The following RANBP2 variants were observed in gnomAD, a reference collection of about 807,000 sequenced individuals.
RANBP2 encodes the protein RAN binding protein 2, also known as E3 SUMO-protein ligase RanBP2.
A neutral mutation model predicts 303.6 loss-of-function variants in RANBP2; 57 were observed. The observed-to-expected ratio is 0.19, with a 90% CI of 0.15 to 0.23. The LOEUF (loss-of-function observed/expected upper bound fraction) is 0.23, where lower values mean the gene tolerates loss of function less well. Among genes scored for constraint, RANBP2 ranks in the 10% least tolerant of loss-of-function variants. The pLI, the probability that RANBP2 is intolerant of heterozygous loss-of-function variation, is 1.00. For synonymous variants in RANBP2, 1,167 were observed against 1,301.5 expected, an observed-to-expected ratio of 0.90 and a Z score of 2.23; for missense variants, 3,138 against 3,780.8, an observed-to-expected ratio of 0.83 and a Z score of 4.46.
chr2:109,449,109 G>GT, the RANBP2 span: 1 of 1,548,226 alleles, frequency 6.5e-7, no homozygotes, highest in Non-Finnish European at 8.7e-7. Flanking sequence ...CAGCTGCCTG[G>GT]CAGGCATGGC....
At chr2:109,129,647 C>T in the RANBP2 span, 22 of 1,498,940 alleles carry the variant, frequency 1.5e-5, no homozygotes, top group East Asian at 2.7e-5. Flanking sequence ...CGTCGGGCGG[C>T]GGCCACCGCC....
At chr2:109,365,006 G>A in the RANBP2 span, among the ~76,000 whole-genome samples, 10 of 152,110 alleles carry the variant, frequency 6.6e-5, no homozygotes, top group African/African-American at 2.2e-4. Flanking sequence ...CAGAAGGATC[G>A]TGAGACTCTG....
At chr2:109,420,421 TTTG>T in the RANBP2 span, among the ~76,000 whole-genome samples, 622 of 152,140 alleles carry the variant, frequency 4.1e-3, 2 homozygotes, top group African/African-American at 0.012. Flanking sequence ...AACAGGATTT[TTTG>T]TTGTTGTTGT....
chr2:109,688,203 C>A, the RANBP2 span, among the ~76,000 whole-genome samples: 1 of 152,108 alleles, frequency 6.6e-6, no homozygotes, highest in African/African-American at 2.4e-5. Flanking sequence ...TTTCTCGGGG[C>A]AACAGCAGGA....
At chr2:109,059,432 G>A in the RANBP2 span, among the ~76,000 whole-genome samples, 1 of 152,082 alleles carries the variant, frequency 6.6e-6, no homozygotes, top group Non-Finnish European at 1.5e-5. Context: ...ACAATTAGCC[G>A]GGTGTGGCGG....
chr2:108,924,786 C>T, the RANBP2 span, among the ~76,000 whole-genome samples: 1 of 152,226 alleles, frequency 6.6e-6, no homozygotes, highest in Non-Finnish European at 1.5e-5. Flanking sequence ...GCCAGTTTTA[C>T]AGCTAAGCCT....
chr2:109,615,058 G>T, the RANBP2 span: 2 of 1,549,150 alleles, frequency 1.3e-6, no homozygotes, highest in Non-Finnish European at 1.7e-6. Context: ...GACAGGGGCA[G>T]CTCCCTTGTG....
chr2:108,983,560 C>T, the RANBP2 span, among the ~76,000 whole-genome samples: 2 of 152,190 alleles, frequency 1.3e-5, no homozygotes, highest in African/African-American at 2.4e-5. Flanking sequence ...AACAATCCCG[C>T]CCTTCCAGCT....
chr2:109,251,365 A>T, the RANBP2 span: 1 of 624,132 alleles, frequency 1.6e-6, no homozygotes, highest in Non-Finnish European at 3.0e-6. Flanking sequence ...CCGCGGGAGC[A>T]TGAGGGAGTC....
At chr2:109,221,160 G>A in the RANBP2 span, among the ~76,000 whole-genome samples, 1 of 152,202 alleles carries the variant, frequency 6.6e-6, no homozygotes, top group Non-Finnish European at 1.5e-5. Context: ...TACAAGTCAT[G>A]CACAGAGGAA....
chr2:108,872,855 A>C, the RANBP2 span, among the ~76,000 whole-genome samples: 125 of 152,338 alleles, frequency 8.2e-4, no homozygotes, highest in African/African-American at 3.0e-3. Flanking sequence ...CATAAACAAA[A>C]TAATTTATTT....
chr2:109,516,261 C>T, the RANBP2 span, among the ~76,000 whole-genome samples: 2 of 152,196 alleles, frequency 1.3e-5, no homozygotes, highest in African/African-American at 2.4e-5. Context: ...AAGTCCCACC[C>T]CCTGTGCCCA....
At chr2:109,736,944 T>C in the RANBP2 span, among the ~76,000 whole-genome samples, 3 of 152,038 alleles carry the variant, frequency 2.0e-5, no homozygotes, top group African/African-American at 4.8e-5. Context: ...ACCACAAGAA[T>C]TGACATTTTC....
the RANBP2 span, among the ~76,000 whole-genome samples, chr2:109,731,335 T>G: frequency 1.2e-4 from 19 of 152,338 alleles, 1 homozygote; most frequent in East Asian, 3.3e-3. Context: ...ACCCAATATT[T>G]GAAACATCTT....
chr2:109,279,768 C>T, the RANBP2 span, among the ~76,000 whole-genome samples: 1 of 152,160 alleles, frequency 6.6e-6, no homozygotes, highest in African/African-American at 2.4e-5. Flanking sequence ...TTCGCAGACG[C>T]TGACCTCGCT....
chr2:109,208,374 G>C, the RANBP2 span, among the ~76,000 whole-genome samples: 9 of 152,188 alleles, frequency 5.9e-5, no homozygotes, highest in African/African-American at 1.9e-4. Flanking sequence ...TCCCATGCTC[G>C]GTCTTCAGGG....
chr2:109,592,982 A>AATGG, the RANBP2 span: 1 of 1,059,034 alleles, frequency 9.4e-7, no homozygotes, highest in Non-Finnish European at 1.3e-6. Flanking sequence ...TAAGCACTCC[A>AATGG]AGTAGTTATT....
chr2:109,469,442 A>G, the RANBP2 span, among the ~76,000 whole-genome samples: 8 of 152,170 alleles, frequency 5.3e-5, no homozygotes, highest in Admixed American at 2.6e-4. Context: ...CTGTCGAGGA[A>G]GGGTTTGACA....
chr2:108,948,127 G>A, the RANBP2 span, among the ~76,000 whole-genome samples: 6 of 152,122 alleles, frequency 3.9e-5, no homozygotes, highest in African/African-American at 1.4e-4. Flanking sequence ...AAAGTTCCAC[G>A]GATCTCTAGA....
Sources: gnomAD v4.1 joint callset for allele counts (sites outside exome capture counted in the v4.1 genomes callset) on GRCh38, gnomAD v4.1.1 for gene constraint, MANE v1.5 for transcripts, NCBI Gene and HGNC (gene_info 2026-07-23, HGNC 2026-07-21) for gene names.